Variants in UBAP2 observed in about 807,000 individuals in gnomAD.
UBAP2 encodes ubiquitin associated protein 2, also known as ubiquitin-associated protein 2.
A neutral mutation model predicts 139.6 loss-of-function variants in UBAP2; 75 were observed. The ratio of observed to expected loss-of-function variants is 0.54; its 90% CI spans 0.45 to 0.65. UBAP2 has a LOEUF of 0.65. UBAP2 is among the 30% of genes least tolerant of loss of function. The pLI is 0.00. For synonymous variants in UBAP2, 526 were observed against 526.2 expected, an observed-to-expected ratio of 1.00 and a Z score of 0.01; for missense variants, 1,368 against 1,369.6, an observed-to-expected ratio of 1.00 and a Z score of 0.02.
chr9:34,048,247 T>C (rs1827786117), intron 1 of UBAP2, among the ~76,000 whole-genome samples: 1 of 152,204 alleles, frequency 6.6e-6, no homozygotes, highest in South Asian at 2.1e-4. Flanking sequence ...AACTGTGATA[T>C]AACCAGACTA....
chr9:33,960,818 A>C lies in UBAP2; in HGVS notation c.798+8T>G. ...AAAGAAAGGTCTCATCTGACAGCAA[A>C]CACTTACATCTTCAGTCCAGTCTTC... On this transcript the variant is annotated splice_region_variant and intron_variant, in intron 10 of 28. Coordinates refer to ENST00000379238, the MANE Select transcript of UBAP2 (RefSeq NM_001370062.2). The C allele has an allele frequency of 6.2e-7, 1 of 1,613,196 alleles. No individual in the cohort carries two copies. Among genetic ancestry groups the C allele is most frequent in the Non-Finnish European group, 8.5e-7 (1 of 1,179,766 alleles).
intron 10 of UBAP2, among the ~76,000 whole-genome samples, chr9:33,958,422 T>A (rs1305627280): frequency 6.6e-6 from 1 of 152,032 alleles, no homozygotes; most frequent in African/African-American, 2.4e-5. Context: ...ACCCCCTTTT[T>A]TTTTTGAGAT....
chr9:33,959,264 T>C (rs1367996036), intron 10 of UBAP2, among the ~76,000 whole-genome samples: 2 of 151,612 alleles, frequency 1.3e-5, no homozygotes, highest in Admixed American at 6.6e-5. Context: ...TGTGAAGGAG[T>C]AGTAAGACCC....
chr9:33,922,498 C>T lies in UBAP2; in HGVS notation c.*6G>A, dbSNP rs758227401. ...CCTTGCCCCAGCCCACCCCTCTCTT[C>T]TGGGTTTAGTTTGTCCAGTATGGAG... On this transcript the variant is annotated 3_prime_UTR_variant, in exon 29 of 29. Coordinates refer to ENST00000379238, the MANE Select transcript of UBAP2 (RefSeq NM_001370062.2). The T allele has an allele frequency of 8.7e-6, 14 of 1,613,458 alleles. No homozygotes were observed. The South Asian group carries it at 1.3e-4, about 15-fold the overall frequency.
chr9:33,924,924 T>C (rs1372032563), intron 22 of UBAP2, among the ~76,000 whole-genome samples: 1 of 152,246 alleles, frequency 6.6e-6, no homozygotes, highest in Non-Finnish European at 1.5e-5. Context: ...TCATCAGCTA[T>C]CTTTAATGTT....
intron 22 of UBAP2, among the ~76,000 whole-genome samples, chr9:33,925,818 G>C (rs377761353): frequency 2.0e-5 from 3 of 152,214 alleles, no homozygotes; most frequent in East Asian, 1.9e-4. Context: ...CCAGCAACAG[G>C]AAAGACTGTA....
chr9:34,009,139 G>A (rs985225969), intron 2 of UBAP2, among the ~76,000 whole-genome samples: 20 of 149,394 alleles, frequency 1.3e-4, no homozygotes, highest in Non-Finnish European at 2.7e-4. Flanking sequence ...TTGCTCTGTC[G>A]CCCACACTGG....
At chr9:34,044,362 C>A (rs1827380219) in intron 1 of UBAP2, among the ~76,000 whole-genome samples, 1 of 151,456 alleles carries the variant, frequency 6.6e-6, no homozygotes, top group Non-Finnish European at 1.5e-5. Context: ...GATAGCGCCA[C>A]TGCACTCCAG....
intron 16 of UBAP2, among the ~76,000 whole-genome samples, chr9:33,937,754 A>AC (rs1055469432): frequency 3.7e-5 from 5 of 134,996 alleles, no homozygotes; most frequent in African/African-American, 5.6e-5. Context: ...TTTAAAAAAT[A>AC]CAAAAAAAAA....
chr9:34,046,353 G>C (rs1827580038), intron 1 of UBAP2, among the ~76,000 whole-genome samples: 1 of 148,734 alleles, frequency 6.7e-6, no homozygotes, highest in Non-Finnish European at 1.5e-5. Context: ...TAACATTTTA[G>C]AAGTAAAGGC....
chr9:33,925,644 C>T (rs550294332), intron 22 of UBAP2, among the ~76,000 whole-genome samples: 17 of 152,296 alleles, frequency 1.1e-4, no homozygotes, highest in African/African-American at 3.6e-4. Context: ...GAAGCCGCTC[C>T]GCTCCCAGGC....
chr9:34,025,554 T>C (rs571152989), intron 1 of UBAP2, among the ~76,000 whole-genome samples: 1 of 152,310 alleles, frequency 6.6e-6, no homozygotes, highest in South Asian at 2.1e-4. Context: ...TTAACTTCTT[T>C]AGAAACAAAA....
chr9:34,039,410 A>G (rs1826831339), intron 1 of UBAP2, among the ~76,000 whole-genome samples: 1 of 152,206 alleles, frequency 6.6e-6, no homozygotes, highest in Admixed American at 6.5e-5. Context: ...GTCGAATAGA[A>G]AAGGGGGAAA....
chr9:34,031,165 T>C (rs1430210202), intron 1 of UBAP2, among the ~76,000 whole-genome samples: 1 of 148,552 alleles, frequency 6.7e-6, no homozygotes, highest in Non-Finnish European at 1.5e-5. Flanking sequence ...GTAATCCTAC[T>C]ACTCGGGAGG....
chr9:33,932,629 C>T lies in UBAP2; in HGVS notation c.2109-1G>A, dbSNP rs745384596. 6.2e-7 allele frequency: 1 copy of T among 1,613,962 alleles called. No individual in the cohort carries two copies. ...GCTGCTCTGGTGGCTGGAGAGCGAACTAGAAGACAAAACAGAGCGCCGTAT... is the reference window on the plus strand; with the variant it reads ...GCTGCTCTGGTGGCTGGAGAGCGAATTAGAAGACAAAACAGAGCGCCGTAT... On this transcript the variant is annotated splice_acceptor_variant, in intron 18 of 28. Transcript: ENST00000379238. LOFTEE classifies it high-confidence loss of function.
At chr9:33,939,643 C>T (rs1472865786) in intron 16 of UBAP2, among the ~76,000 whole-genome samples, 4 of 144,070 alleles carry the variant, frequency 2.8e-5, no homozygotes, top group African/African-American at 2.6e-5. Flanking sequence ...CCCCACTACT[C>T]GGGAGGCTGA....
At chr9:34,004,617 C>A (rs948195993) in intron 2 of UBAP2, among the ~76,000 whole-genome samples, 2 of 151,502 alleles carry the variant, frequency 1.3e-5, no homozygotes, top group African/African-American at 4.9e-5. Context: ...CCCGTCTCTA[C>A]TAAAAAAATA....
rs1315096773 is a variant in UBAP2 at position 33,923,222 on chromosome 9, C to T, written c.2968G>A (p.Ala990Thr). 1 of 1,614,206 alleles carries T rather than the reference C, an allele frequency of 6.2e-7. No homozygotes were observed. The highest frequency in any genetic ancestry group is 8.5e-7 in the Non-Finnish European group (1 of 1,180,024). Residue 990 changes from alanine to threonine, a missense_variant, in exon 26 of 29, where the codon GCA becomes ACA. Coordinates refer to ENST00000379238, the MANE Select transcript of UBAP2 (RefSeq NM_001370062.2). ...SKGGYAGSSQ[A>T]PNKSAGSGPG... The stretch of plus-strand genomic sequence containing the variant: ...CCAGAACCTGCAGACTTGTTTGGTG[C>T]CTGCGATGATCCAGCATAGCCACCT...
At chr9:34,023,293 T>C (rs1035485064) in intron 1 of UBAP2, among the ~76,000 whole-genome samples, 1 of 151,804 alleles carries the variant, frequency 6.6e-6, no homozygotes, top group Non-Finnish European at 1.5e-5. Context: ...AGGAGTGCCA[T>C]CTGGTGATAA....
Sources: gnomAD v4.1 joint callset for allele counts (sites outside exome capture counted in the v4.1 genomes callset) on GRCh38, gnomAD v4.1.1 for gene constraint, MANE v1.5 for transcripts, NCBI Gene and HGNC (gene_info 2026-07-23, HGNC 2026-07-21) for gene names.